STXBP4: variants seen among roughly 807,000 people sequenced by gnomAD.
STXBP4 encodes the protein syntaxin binding protein 4.
STXBP4 carries 55 observed loss-of-function variants against 76.1 expected under a neutral mutation model. The ratio of observed to expected loss-of-function variants is 0.72; its 90% CI spans 0.58 to 0.91. The LOEUF is 0.91. Ranked by LOEUF, STXBP4 falls within the 40% of genes least tolerant of loss-of-function variation. The probability of loss-of-function intolerance (pLI) is 0.00; values close to 1 mark genes in which losing one functional copy is unlikely to be tolerated. For synonymous variants in STXBP4, 201 were observed against 220.2 expected, an observed-to-expected ratio of 0.91 and a Z score of 0.77; for missense variants, 618 against 636.9, an observed-to-expected ratio of 0.97 and a Z score of 0.32.
At chr17:55,021,302 G>A (rs1468055835) in intron 8 of STXBP4, among the ~76,000 whole-genome samples, 2 of 152,036 alleles carry the variant, frequency 1.3e-5, no homozygotes, top group East Asian at 1.9e-4. Flanking sequence ...CAAGCAGATC[G>A]CTTGAAGCCA....
chr17:54,981,759 A>G (rs144500284), intron 1 of STXBP4, among the ~76,000 whole-genome samples: 1 of 152,266 alleles, frequency 6.6e-6, no homozygotes, highest in East Asian at 1.9e-4. Flanking sequence ...AAAGGGGGGA[A>G]AATATATTTG....
At chr17:54,994,621 G>A (rs1427789072) in intron 4 of STXBP4, among the ~76,000 whole-genome samples, 3 of 152,036 alleles carry the variant, frequency 2.0e-5, no homozygotes, top group African/African-American at 7.2e-5. Flanking sequence ...TTTTGAATCA[G>A]CCCTTTCAGT....
chr17:55,039,366 G>A (rs1261247788), intron 10 of STXBP4, among the ~76,000 whole-genome samples: 1 of 151,462 alleles, frequency 6.6e-6, no homozygotes, highest in Non-Finnish European at 1.5e-5. Flanking sequence ...AAAGATAATT[G>A]GGTTCATTCA....
intron 17 of STXBP4, among the ~76,000 whole-genome samples, chr17:55,159,251 CATAAATAA>C (rs758430026): frequency 6.6e-5 from 10 of 151,764 alleles, no homozygotes; most frequent in East Asian, 3.9e-4. Context: ...GTCTCAAATA[CATAAATAA>C]ATAAATAAAT....
At chr17:55,030,173 G>C (rs1427256291) in intron 8 of STXBP4, among the ~76,000 whole-genome samples, 2 of 152,132 alleles carry the variant, frequency 1.3e-5, no homozygotes, top group Non-Finnish European at 1.5e-5. Context: ...CTGAAAGAAG[G>C]TAATCCAGGG....
At chr17:55,035,964 G>A (rs2078594982) in intron 10 of STXBP4, among the ~76,000 whole-genome samples, 2 of 151,962 alleles carry the variant, frequency 1.3e-5, no homozygotes, top group Non-Finnish European at 2.9e-5. Context: ...TGGCTCAATT[G>A]AGCTAATTAA....
At chr17:55,071,431 C>T (rs1178856652) in intron 12 of STXBP4, among the ~76,000 whole-genome samples, 5 of 152,186 alleles carry the variant, frequency 3.3e-5, no homozygotes, top group Non-Finnish European at 4.4e-5. Context: ...ACACAAATCA[C>T]AGCTCCATCT....
intron 4 of STXBP4, among the ~76,000 whole-genome samples, chr17:54,996,707 G>A (rs965988727): frequency 5.9e-5 from 9 of 152,078 alleles, no homozygotes; most frequent in African/African-American, 1.9e-4. Context: ...GTTAAAAGAA[G>A]GTCACCATCA....
intron 7 of STXBP4, 74 bp from the exon 8 acceptor site, chr17:55,007,432 A>G: frequency 9.7e-7 from 1 of 1,029,916 alleles, no homozygotes; most frequent in South Asian, 1.3e-5. Flanking sequence ...GCAGGAACTC[A>G]GAACATATCC....
chr17:54,993,342 G>C (rs1598170124), intron 4 of STXBP4, among the ~76,000 whole-genome samples: 1 of 152,292 alleles, frequency 6.6e-6, no homozygotes. Flanking sequence ...AGGACCAGGG[G>C]TGATGGCTCA....
chr17:55,070,703 C>A (rs1222917195), intron 12 of STXBP4, among the ~76,000 whole-genome samples: 1 of 152,060 alleles, frequency 6.6e-6, no homozygotes, highest in Non-Finnish European at 1.5e-5. Context: ...GCCTGACTCC[C>A]TCCCTTTCCA....
intron 12 of STXBP4, among the ~76,000 whole-genome samples, chr17:55,061,680 A>G (rs945501965): frequency 1.3e-5 from 2 of 152,142 alleles, no homozygotes; most frequent in African/African-American, 4.8e-5. Context: ...AATCTGTTCT[A>G]TATCTCCATA....
At chr17:55,088,494 C>T (rs996578624) in intron 16 of STXBP4, among the ~76,000 whole-genome samples, 4 of 152,274 alleles carry the variant, frequency 2.6e-5, no homozygotes, top group African/African-American at 9.6e-5. Context: ...CTCCCAGGTT[C>T]AAGCAATTCT....
the STXBP4 span, among the ~76,000 whole-genome samples, chr17:55,205,409 G>A: frequency 1.4e-3 from 207 of 152,202 alleles, no homozygotes; most frequent in Middle Eastern, 3.4e-3. Flanking sequence ...TCGTAGGTTA[G>A]CACACAAAGT....
chr17:55,062,393 T>C (rs1376292484), intron 12 of STXBP4, among the ~76,000 whole-genome samples: 1 of 152,212 alleles, frequency 6.6e-6, no homozygotes, highest in Non-Finnish European at 1.5e-5. Flanking sequence ...TCCAGCTTCA[T>C]CCATGTCCCT....
intron 16 of STXBP4, among the ~76,000 whole-genome samples, chr17:55,111,801 A>T (rs2079721405): frequency 6.6e-6 from 1 of 152,166 alleles, no homozygotes; most frequent in African/African-American, 2.4e-5. Context: ...GTATTCCTTT[A>T]TAGCAACACA....
rs372347025 is a variant in STXBP4 at position 55,084,541 on chromosome 17, C to T, written c.1489+3358C>T. Among the ~76,000 whole-genome samples the T allele has an allele frequency of 5.4e-4, 81 of 151,090 alleles. 1 individual carries two copies. In the South Asian group the frequency reaches 0.017, roughly 32 times the overall value. On this transcript the variant is annotated intron_variant, in intron 16 of 17. Transcript: ENST00000376352. ...TTGCCATTGCTTTTGGTGTTTTAGA[C>T]ATGAAGTCCTTGCCCATGCCTATGT...
intron 12 of STXBP4, among the ~76,000 whole-genome samples, chr17:55,063,697 T>C (rs1383622368): frequency 6.6e-6 from 1 of 152,194 alleles, no homozygotes; most frequent in Non-Finnish European, 1.5e-5. Context: ...ATCGTCACTT[T>C]CTAGAAAGCA....
chr17:55,017,545 G>A (rs1326602653), intron 8 of STXBP4, among the ~76,000 whole-genome samples: 1 of 152,218 alleles, frequency 6.6e-6, no homozygotes, highest in African/African-American at 2.4e-5. Context: ...AGATTCAGAG[G>A]TAAGAAGAAT....
Sources: gnomAD v4.1 joint callset for allele counts (sites outside exome capture counted in the v4.1 genomes callset) on GRCh38, gnomAD v4.1.1 for gene constraint, MANE v1.5 for transcripts, NCBI Gene and HGNC (gene_info 2026-07-23, HGNC 2026-07-21) for gene names.